The following CREBBP variants were observed in gnomAD, a reference collection of about 807,000 sequenced individuals.
The protein encoded by CREBBP is CREB-binding protein.
In CREBBP, 19 loss-of-function variants were observed where a neutral mutation model predicts 265.0. The observed-to-expected ratio is 0.07, with a 90% CI of 0.05 to 0.11. The LOEUF (loss-of-function observed/expected upper bound fraction) is 0.11, where lower values mean the gene tolerates loss of function less well. CREBBP is among the 10% of genes least tolerant of loss of function. The pLI is 1.00. For synonymous variants in CREBBP, 1,457 were observed against 1,223.7 expected, an observed-to-expected ratio of 1.19 and a Z score of -3.98; for missense variants, 2,525 against 3,219.0, an observed-to-expected ratio of 0.78 and a Z score of 5.22.
chr16:3,747,685 G>A (rs541076210), intron 21 of CREBBP, among the ~76,000 whole-genome samples: 101 of 152,304 alleles, frequency 6.6e-4, no homozygotes, highest in African/African-American at 2.3e-3. Context: ...TAAATTGGCC[G>A]GGCACGGTGG....
chr16:3,876,105 C>CA (rs1687510468), intron 1 of CREBBP, among the ~76,000 whole-genome samples: 2 of 152,046 alleles, frequency 1.3e-5, no homozygotes, highest in South Asian at 4.1e-4. Context: ...GTGGCATGAT[C>CA]ACAGCTCACT....
chr16:3,759,910 G>A (rs983478510), intron 16 of CREBBP, among the ~76,000 whole-genome samples: 1 of 151,992 alleles, frequency 6.6e-6, no homozygotes, highest in Non-Finnish European at 1.5e-5. Context: ...CAACAAGTAT[G>A]GGAACAGGTG....
intron 16 of CREBBP, among the ~76,000 whole-genome samples, chr16:3,767,041 G>C (rs994379128): frequency 6.6e-6 from 1 of 152,092 alleles, no homozygotes; most frequent in Non-Finnish European, 1.5e-5. Flanking sequence ...TGGACTTTCT[G>C]AGTCCTGTCT....
chr16:3,831,544 C>T (rs932313855), intron 2 of CREBBP, among the ~76,000 whole-genome samples: 5 of 151,918 alleles, frequency 3.3e-5, no homozygotes, highest in Admixed American at 6.6e-5. Context: ...AAAATAAAGA[C>T]AGAAATAAAT....
chr16:3,829,355 T>A (rs377057345), intron 2 of CREBBP, among the ~76,000 whole-genome samples: 9 of 152,166 alleles, frequency 5.9e-5, no homozygotes, highest in Non-Finnish European at 1.2e-4. Flanking sequence ...ACAACCATTA[T>A]ATATCATAAT....
At chr16:3,849,254 G>A (rs1265839449) in intron 2 of CREBBP, among the ~76,000 whole-genome samples, 1 of 151,912 alleles carries the variant, frequency 6.6e-6, no homozygotes, top group Admixed American at 6.6e-5. Context: ...TTTTCCAGCT[G>A]TCTCACATCT....
intron 2 of CREBBP, among the ~76,000 whole-genome samples, chr16:3,835,770 G>C (rs545134318): frequency 1.1e-4 from 16 of 151,342 alleles, no homozygotes; most frequent in East Asian, 3.9e-4. Context: ...TAGTAGAGAT[G>C]GGGGTTTCAC....
intron 11 of CREBBP, among the ~76,000 whole-genome samples, chr16:3,775,261 A>G (rs2053109474): frequency 6.6e-6 from 1 of 152,248 alleles, no homozygotes; most frequent in Non-Finnish European, 1.5e-5. Flanking sequence ...CACCTTAAGC[A>G]TTAAGAAGTG....
chr16:3,818,781 C>T lies in CREBBP; in HGVS notation c.799-8002G>A, dbSNP rs115187566. On this transcript the variant is annotated intron_variant, in intron 2 of 30. Coordinates refer to ENST00000262367, the MANE Select transcript of CREBBP (RefSeq NM_004380.3). ...GGGTGTCACTGATGCTGGTCAAAAA[C>T]ACACAAAAAGGAACCAAAATATGAT... Among the ~76,000 whole-genome samples the T allele has an allele frequency of 5.3e-3, 805 of 152,250 alleles. 10 individuals are homozygous for T. The highest frequency in any genetic ancestry group is 0.018 in the African/African-American group (762 of 41,534).
At chr16:3,772,312 T>A (rs2053030409) in intron 13 of CREBBP, among the ~76,000 whole-genome samples, 1 of 137,792 alleles carries the variant, frequency 7.3e-6, no homozygotes, top group East Asian at 2.1e-4. Context: ...AAAAAAAAAA[T>A]TCTCTCTGAA....
At chr16:3,743,149 G>A (rs1297300530) in intron 23 of CREBBP, 1 of 152,218 alleles carries the variant, frequency 6.6e-6, no homozygotes, top group Non-Finnish European at 1.5e-5. Context: ...AGACATTTCT[G>A]ACAGACGTAA....
At chr16:3,860,468 T>G (rs1199731302) in intron 1 of CREBBP, among the ~76,000 whole-genome samples, 1 of 152,112 alleles carries the variant, frequency 6.6e-6, no homozygotes, top group African/African-American at 2.4e-5. Context: ...TCCTCCTGCC[T>G]CAGCCTCCCA....
At chr16:3,739,788 C>A (rs1379902973) in intron 24 of CREBBP, 64 bp from the exon 25 acceptor site, 6 of 1,609,782 alleles carry the variant, frequency 3.7e-6, no homozygotes, top group Admixed American at 1.7e-5. Context: ...TTCTGCACAC[C>A]AGGCCTGCTC....
Position 3,838,913 on chromosome 16 carries a change from A to T in CREBBP, c.798+11384T>A, listed in dbSNP as rs573905252. Among the ~76,000 whole-genome samples, 4 of 152,226 alleles carry T rather than the reference A, an allele frequency of 2.6e-5. No individual in the cohort carries two copies. The South Asian group carries it at 8.3e-4, about 32-fold the overall frequency. On this transcript the variant is annotated intron_variant, in intron 2 of 30. Transcript: ENST00000262367. ...GAAAAGCAGTCTCATTATCACTTCA[A>T]ATGTTGTGTGGCTATCTCAAATATT...
chr16:3,754,231 C>A (rs1320951945), intron 19 of CREBBP, among the ~76,000 whole-genome samples: 1 of 152,178 alleles, frequency 6.6e-6, no homozygotes, highest in Non-Finnish European at 1.5e-5. Context: ...CGTGGCTTCA[C>A]TTTATTACTG....
intron 3 of CREBBP, among the ~76,000 whole-genome samples, chr16:3,801,382 A>G (rs1415279236): frequency 6.6e-6 from 1 of 152,200 alleles, no homozygotes; most frequent in Non-Finnish European, 1.5e-5. Context: ...ATTAAAGGAC[A>G]GGGTGGGCTG....
chr16:3,751,038 A>G (rs1232665029), intron 20 of CREBBP, among the ~76,000 whole-genome samples: 1 of 152,122 alleles, frequency 6.6e-6, no homozygotes, highest in Non-Finnish European at 1.5e-5. Context: ...CCTGGGTAAC[A>G]ACAGTGAGAC....
In CREBBP at chr16:3,810,486, T is replaced by C. The variant is rs1181549073; in HGVS notation, c.975+117A>G. Reference sequence around the variant, plus strand: ...CTACTCATGAGAAATCTGGGTTCTCTTCCTATCACCTACTGACACACTTTT... The same window carrying C: ...CTACTCATGAGAAATCTGGGTTCTCCTCCTATCACCTACTGACACACTTTT... On this transcript the variant is annotated intron_variant, in intron 3 of 30. Transcript: ENST00000262367. The C allele has an allele frequency of 3.2e-6, 4 of 1,250,736 alleles. No individual in the cohort carries two copies. The Admixed American group carries it at 5.1e-5, about 16-fold the overall frequency. The allele number at this position is 1,250,736 out of a possible 1,614,324, so 77.5% of individuals were successfully genotyped here.
chr16:3,731,151 C>G lies in CREBBP; in HGVS notation c.5172+41G>C. 1 of 1,597,980 alleles carries G rather than the reference C, an allele frequency of 6.3e-7. No individual in the cohort carries two copies. ...AAAGGGACAGGATGCTTCGTCAGAC[C>G]CCAGGCCGGCTGTGGGGGTGGGGGT... is the stretch of plus-strand genomic sequence containing the variant. On this transcript the variant is annotated intron_variant, in intron 30 of 30. Transcript: ENST00000262367. This position sits in a 1 kb window ranked among gnomAD's most constrained non-coding sequence, Gnocchi z 7.7.
Sources: allele counts gnomAD v4.1 joint callset (sites outside exome capture counted in the v4.1 genomes callset), GRCh38; gene constraint gnomAD v4.1.1; non-coding constraint Gnocchi (gnomAD v3.1); transcripts MANE v1.5; gene names NCBI Gene and HGNC (gene_info 2026-07-23, HGNC 2026-07-21).